The following SPATA25 variants were observed in gnomAD, a reference collection of about 807,000 sequenced individuals.
SPATA25 encodes the protein spermatogenesis-associated protein 25.
In SPATA25, 16 loss-of-function variants were observed where a neutral mutation model predicts 16.0. The ratio of observed to expected loss-of-function variants is 1.00; its 90% CI spans 0.68 to 1.52. The LOEUF (loss-of-function observed/expected upper bound fraction) is 1.52, where lower values mean the gene tolerates loss of function less well. SPATA25 is among the 40% of genes most tolerant of loss of function. The pLI, the probability that SPATA25 is intolerant of heterozygous loss-of-function variation, is 0.00. For missense variants in SPATA25, 285 were observed against 289.2 expected, an observed-to-expected ratio of 0.99 and a Z score of 0.11; for synonymous variants, 115 against 118.5, an observed-to-expected ratio of 0.97 and a Z score of 0.19.
At chr20:45,888,515 T>G (rs981698369), upstream of SPATA25, 2 of 506,308 alleles carry the variant, frequency 4.0e-6, no homozygotes, top group African/African-American at 3.9e-5. Context: ...TATCCTAAGA[T>G]GACTCTAACA....
chr20:45,889,205 C>A (rs1273438833), upstream of SPATA25, among the ~76,000 whole-genome samples: 2 of 152,140 alleles, frequency 1.3e-5, no homozygotes, highest in African/African-American at 4.8e-5. Flanking sequence ...GCATTGAGTT[C>A]ATGAAATGTG....
At chr20:45,890,532 T>C, upstream of SPATA25, 1 of 1,607,442 alleles carries the variant, frequency 6.2e-7, no homozygotes, top group Non-Finnish European at 8.5e-7. Context: ...TCCCGGGGAA[T>C]GCGAAACTGC....
upstream of SPATA25, chr20:45,887,704 T>C: frequency 1.1e-6 from 1 of 924,156 alleles, no homozygotes; most frequent in Non-Finnish European, 1.6e-6. Flanking sequence ...TGGAATCCAC[T>C]TTACAGCGTT....
At chr20:45,890,902 G>A (rs1022917583), upstream of SPATA25, 1 of 1,557,880 alleles carries the variant, frequency 6.4e-7, no homozygotes, top group African/African-American at 1.4e-5. Flanking sequence ...TGTTGGCACC[G>A]TGCACCCGAT....
chr20:45,887,535 C>T lies in SPATA25; in HGVS notation c.55+1G>A. The T allele has an allele frequency of 6.2e-7, 1 of 1,613,524 alleles. No individual in the cohort carries two copies. The highest frequency in any genetic ancestry group is 8.5e-7 in the Non-Finnish European group (1 of 1,179,690). Reference sequence around the variant, plus strand: ...TCCAATTGCAGGTGCCCCCCGCTCACCTTGGCCGGAAGGCAGAGGACCTGG... The same window carrying T: ...TCCAATTGCAGGTGCCCCCCGCTCATCTTGGCCGGAAGGCAGAGGACCTGG... On this transcript the variant is annotated splice_donor_variant, in intron 1 of 1. Coordinates refer to ENST00000372519, the MANE Select transcript of SPATA25 (RefSeq NM_080608.4). LOFTEE classifies it high-confidence loss of function.
At chr20:45,890,188 A>G (rs1684487229), upstream of SPATA25, 1 of 1,591,812 alleles carries the variant, frequency 6.3e-7, no homozygotes, top group Non-Finnish European at 8.6e-7. Flanking sequence ...TGGGCTACGG[A>G]GCCCTAGTAG....
chr20:45,890,091 C>T (rs1364667437), upstream of SPATA25: 10 of 744,782 alleles, frequency 1.3e-5, no homozygotes, highest in East Asian at 2.7e-4. Context: ...CATGTAGAGG[C>T]TTGTGCAAGA....
At chr20:45,889,016 G>A (rs769606551), upstream of SPATA25, 84 of 873,904 alleles carry the variant, frequency 9.6e-5, no homozygotes, top group Non-Finnish European at 1.4e-4. Flanking sequence ...CTGCTTCATG[G>A]GGCTGAGAGA....
At chr20:45,890,667 G>A (rs368146968), upstream of SPATA25, 1 of 1,613,674 alleles carries the variant, frequency 6.2e-7, no homozygotes, top group Non-Finnish European at 8.5e-7. Flanking sequence ...ACCCAGGTGT[G>A]GCCCAGGTTG....
At chr20:45,890,865 C>T, upstream of SPATA25, 1 of 1,568,670 alleles carries the variant, frequency 6.4e-7, no homozygotes, top group East Asian at 2.3e-5. Context: ...ACGCGTGTGG[C>T]CCGCGTCCCA....
chr20:45,890,278 G>A (rs764757463), upstream of SPATA25: 3 of 1,613,690 alleles, frequency 1.9e-6, no homozygotes, highest in Non-Finnish European at 2.5e-6. Context: ...CAAGGCGCAC[G>A]CTCTTTGTGG....
chr20:45,888,795 A>C (rs778884714), upstream of SPATA25: 1 of 1,614,126 alleles, frequency 6.2e-7, no homozygotes, highest in Non-Finnish European at 8.5e-7. Flanking sequence ...TTCTTTGGGC[A>C]GGTGGAGCCC....
chr20:45,890,733 C>T (rs1986753026), upstream of SPATA25: 2 of 1,613,164 alleles, frequency 1.2e-6, no homozygotes, highest in Admixed American at 1.7e-5. Flanking sequence ...GGGTCCAGCG[C>T]GGTCAGACCG....
At position 45,886,625 on chromosome 20, in the gene SPATA25, C is replaced by G. The variant is rs763040741; in HGVS notation, c.576G>C (p.Glu192Asp). Residue 192 changes from glutamate to aspartate, a missense_variant, in exon 2 of 2, where the codon GAG (glutamate) becomes GAC (aspartate). Glu to Asp is a conservative substitution (Grantham distance 45). Transcript: ENST00000372519. Reference protein sequence around the residue: ...QAFMMAHPEPEGAVEGARWEQ... With the variant: ...QAFMMAHPEPDGAVEGARWEQ... The stretch of plus-strand genomic sequence containing the variant: ...CCCACCGCGCCCCCTCCACAGCACC[C>G]TCTGGCTCCGGATGGGCCATCATGA... 2.7e-5 allele frequency: 44 copies of G among 1,614,098 alleles called. No individual in the cohort carries two copies. Among genetic ancestry groups the G allele is most frequent in the Non-Finnish European group, 3.7e-5 (44 of 1,180,046 alleles).
At chr20:45,888,888 CTG>C (rs769908796), upstream of SPATA25, 21 of 1,613,798 alleles carry the variant, frequency 1.3e-5, no homozygotes, top group East Asian at 2.2e-5. Flanking sequence ...GGGAAGAAGA[CTG>C]TGAAAGGCAA....
upstream of SPATA25, chr20:45,888,751 T>A: frequency 6.2e-7 from 1 of 1,613,884 alleles, no homozygotes; most frequent in Non-Finnish European, 8.5e-7. Context: ...TGGTGCACTG[T>A]GGGTCTTCAC....
chr20:45,888,141 C>T (rs549628079), upstream of SPATA25, among the ~76,000 whole-genome samples: 4 of 152,252 alleles, frequency 2.6e-5, no homozygotes, highest in South Asian at 8.3e-4. Flanking sequence ...CCTCAGCCTC[C>T]CGAGTAGCTG....
At chr20:45,889,356 T>C (rs1986626193), upstream of SPATA25, among the ~76,000 whole-genome samples, 1 of 144,496 alleles carries the variant, frequency 6.9e-6, no homozygotes, top group Non-Finnish European at 1.5e-5. Flanking sequence ...TTCTTTTCTT[T>C]CTTTTTTTTT....
Position 45,886,530 on chromosome 20 carries a change from C to T in SPATA25, c.671G>A (p.Gly224Asp). 1.3e-6 allele frequency: 2 copies of T among 1,573,686 alleles called. No individual in the cohort carries two copies. The highest frequency in any genetic ancestry group is 1.7e-6 in the Non-Finnish European group (2 of 1,155,264). The change falls in exon 2 of 2, where the codon GGC becomes GAC. Residue 224 changes from glycine to aspartate, a missense_variant. By Grantham distance (94) the Gly-to-Asp change is moderately conservative. Coordinates refer to ENST00000372519, the MANE Select transcript of SPATA25 (RefSeq NM_080608.4). ...LVRSKRGQPP[G>D]SCL ...TATTTCATCCATCTACAAGCAGGAG[C>T]CAGGAGGCTGGCCCCTTTTAGATCT...
Sources: gnomAD v4.1 joint callset for allele counts (sites outside exome capture counted in the v4.1 genomes callset) on GRCh38, gnomAD v4.1.1 for gene constraint, MANE v1.5 for transcripts, NCBI Gene and HGNC (gene_info 2026-07-23, HGNC 2026-07-21) for gene names.